Variants in TRAPPC9 observed in about 807,000 individuals in gnomAD.
TRAPPC9 encodes trafficking protein particle complex subunit 9.
TRAPPC9 carries 83 observed loss-of-function variants against 124.0 expected under a neutral mutation model. The ratio of observed to expected loss-of-function variants is 0.67; its 90% CI spans 0.56 to 0.80. The LOEUF (loss-of-function observed/expected upper bound fraction) is 0.80. TRAPPC9 is among the 30% of genes least tolerant of loss of function. The pLI, the probability that TRAPPC9 is intolerant of heterozygous loss-of-function variation, is 0.00. For missense variants in TRAPPC9, 1,302 were observed against 1,508.3 expected, an observed-to-expected ratio of 0.86 and a Z score of 2.27; for synonymous variants, 638 against 617.5, an observed-to-expected ratio of 1.03 and a Z score of -0.49.
At chr8:139,770,242 G>A (rs1036062059) in intron 21 of TRAPPC9, among the ~76,000 whole-genome samples, 4 of 152,234 alleles carry the variant, frequency 2.6e-5, no homozygotes, top group African/African-American at 9.6e-5. Context: ...CAGACGCCCC[G>A]GAGAGAGGTT....
chr8:140,153,389 T>C (rs2061579250), intron 17 of TRAPPC9, among the ~76,000 whole-genome samples: 1 of 152,114 alleles, frequency 6.6e-6, no homozygotes, highest in South Asian at 2.1e-4. Context: ...GCCCCTATCA[T>C]TCTTTTTAAA....
chr8:140,274,803 T>G (rs1390168532), intron 15 of TRAPPC9, among the ~76,000 whole-genome samples: 1 of 152,156 alleles, frequency 6.6e-6, no homozygotes, highest in African/African-American at 2.4e-5. Flanking sequence ...AAGTAACATG[T>G]GATTAGTACA....
chr8:139,729,506 G>T lies in TRAPPC9; in HGVS notation c.*1555C>A, dbSNP rs946160697. ...TGCCTTCCCTGGGGAGCCTCGAGCA[G>T]ATGCTGAATGAGCTCCAGGAACTGA... On this transcript the variant is annotated 3_prime_UTR_variant, in exon 23 of 23. Coordinates refer to ENST00000438773, the MANE Select transcript of TRAPPC9 (RefSeq NM_001160372.4). Among the ~76,000 whole-genome samples the T allele has an allele frequency of 6.6e-6, 1 of 152,200 alleles. No individual in the cohort carries two copies. The highest frequency in any genetic ancestry group is 2.4e-5 in the African/African-American group (1 of 41,458).
At chr8:140,300,721 G>T in intron 10 of TRAPPC9, 107 bp from the exon 11 acceptor site, 1 of 1,431,084 alleles carries the variant, frequency 7.0e-7, no homozygotes, top group South Asian at 1.2e-5. Context: ...TCAGTCAGAA[G>T]GAAGATAAAT....
At chr8:140,229,247 T>C (rs1373409567) in intron 16 of TRAPPC9, among the ~76,000 whole-genome samples, 3 of 72,336 alleles carry the variant, frequency 4.1e-5, no homozygotes, top group Non-Finnish European at 1.0e-4. Flanking sequence ...TATGTTTTCT[T>C]TTTCTTTTTT....
At position 140,369,194 on chromosome 8, in the gene TRAPPC9, T is replaced by C. The variant is rs143909037; in HGVS notation, c.1351+1770A>G. 1.4e-3 allele frequency among the ~76,000 whole-genome samples: 219 copies of C among 152,294 alleles called. 3 individuals carry two copies. Among genetic ancestry groups the C allele is most frequent in the African/African-American group, 5.0e-3 (207 of 41,556 alleles). ...TTTGAGGTTCTATCAAATGTAAGTG[T>C]TGCCTGGGAAGATGGTTGAACAGTA... On this transcript the variant is annotated intron_variant, in intron 8 of 22. Transcript: ENST00000438773.
intron 21 of TRAPPC9, among the ~76,000 whole-genome samples, chr8:139,865,714 C>A (rs187859771): frequency 6.6e-6 from 1 of 152,280 alleles, no homozygotes; most frequent in African/African-American, 2.4e-5. Context: ...CCCAAGAGAA[C>A]CCAGTTGGTC....
chr8:139,821,838 T>C (rs1366021053), intron 21 of TRAPPC9, among the ~76,000 whole-genome samples: 3 of 152,186 alleles, frequency 2.0e-5, no homozygotes, highest in Non-Finnish European at 4.4e-5. Context: ...CATAATAGCC[T>C]GGTAAATAGG....
At chr8:140,048,260 G>A (rs578117614) in intron 17 of TRAPPC9, among the ~76,000 whole-genome samples, 88 of 152,158 alleles carry the variant, frequency 5.8e-4, no homozygotes, top group Non-Finnish European at 1.1e-3. Context: ...CATATGCAAC[G>A]TGTCCAATCA....
At chr8:140,134,097 G>GA (rs1231920756) in intron 17 of TRAPPC9, among the ~76,000 whole-genome samples, 2 of 151,730 alleles carry the variant, frequency 1.3e-5, no homozygotes, top group African/African-American at 2.4e-5. Context: ...AAACAATATT[G>GA]AAAAAAAGAA....
At chr8:140,179,089 T>C (rs182505069) in intron 17 of TRAPPC9, among the ~76,000 whole-genome samples, 9 of 152,254 alleles carry the variant, frequency 5.9e-5, no homozygotes, top group African/African-American at 1.7e-4. Context: ...TGTTGTAAAA[T>C]TGATTAATTT....
intron 21 of TRAPPC9, among the ~76,000 whole-genome samples, chr8:139,870,292 T>C (rs549850277): frequency 2.6e-5 from 4 of 152,242 alleles, no homozygotes; most frequent in Admixed American, 6.5e-5. Flanking sequence ...TTAAAGCAAA[T>C]GAGACCATGA....
Position 140,087,815 on chromosome 8 carries a change from G to A in TRAPPC9, c.2557-63736C>T, listed in dbSNP as rs1006499256. On this transcript the variant is annotated intron_variant, in intron 17 of 22. Coordinates refer to ENST00000438773, the MANE Select transcript of TRAPPC9 (RefSeq NM_001160372.4). The surrounding 1 kb of genome is among the most constrained non-coding windows in gnomAD (Gnocchi z 4.6). The stretch of plus-strand genomic sequence containing the variant: ...CCATTCTCATGCATGACGAGCAACC[G>A]CACCATTCCCTGGCTCTCTCCTGCA... 2.0e-5 allele frequency among the ~76,000 whole-genome samples: 3 copies of A among 151,878 alleles called. No individual in the cohort carries two copies. The highest frequency in any genetic ancestry group is 6.6e-5 in the Admixed American group (1 of 15,260).
chr8:140,171,709 G>A (rs1160452902), intron 17 of TRAPPC9, among the ~76,000 whole-genome samples: 3 of 152,260 alleles, frequency 2.0e-5, no homozygotes, highest in East Asian at 1.9e-4. Flanking sequence ...AAGGGACCCC[G>A]TGGACCCGTA....
intron 19 of TRAPPC9, among the ~76,000 whole-genome samples, chr8:139,929,015 A>G (rs1832966583): frequency 6.6e-6 from 1 of 152,128 alleles, no homozygotes; most frequent in Non-Finnish European, 1.5e-5. Flanking sequence ...AGGGTGCCCA[A>G]GCTGGTGCTG....
At chr8:140,016,237 A>C (rs1484590223) in intron 18 of TRAPPC9, among the ~76,000 whole-genome samples, 3 of 152,218 alleles carry the variant, frequency 2.0e-5, no homozygotes. Context: ...TAGTCTGATT[A>C]TTTGTCTACA....
intron 22 of TRAPPC9, among the ~76,000 whole-genome samples, chr8:139,731,456 GGGGTCAGGAGTGTGGGA>G (rs1425924018): frequency 9.2e-5 from 14 of 152,282 alleles, no homozygotes; most frequent in Admixed American, 3.9e-4. Flanking sequence ...GGGGGCTCAG[GGGGTCAGGAGTGTGGGA>G]GGGTCAGGAG....
chr8:140,033,459 T>C (rs1368686160), intron 17 of TRAPPC9, among the ~76,000 whole-genome samples: 1 of 151,808 alleles, frequency 6.6e-6, no homozygotes, highest in African/African-American at 2.4e-5. Flanking sequence ...GAAGAAGACA[T>C]GGAATATCTT....
At chr8:140,127,638 C>T (rs2061122721) in intron 17 of TRAPPC9, among the ~76,000 whole-genome samples, 1 of 152,188 alleles carries the variant, frequency 6.6e-6, no homozygotes, top group South Asian at 2.1e-4. Context: ...CCACAGATTT[C>T]ACTGATAACA....
Sources: allele counts gnomAD v4.1 joint callset (sites outside exome capture counted in the v4.1 genomes callset), GRCh38; gene constraint gnomAD v4.1.1; non-coding constraint Gnocchi (gnomAD v3.1); transcripts MANE v1.5; gene names NCBI Gene and HGNC (gene_info 2026-07-23, HGNC 2026-07-21).